DSTN: variants seen among roughly 807,000 people sequenced by gnomAD.
The protein encoded by DSTN is destrin.
DSTN carries 10 observed loss-of-function variants against 16.8 expected under a neutral mutation model. The observed-to-expected ratio is 0.60, with a 90% CI of 0.37 to 1.01. The LOEUF (loss-of-function observed/expected upper bound fraction) is 1.01. Ranked by LOEUF, DSTN falls within the 50% of genes least tolerant of loss-of-function variation. The probability of loss-of-function intolerance (pLI) is 0.01; values close to 1 mark genes in which losing one functional copy is unlikely to be tolerated. For synonymous variants in DSTN, 57 were observed against 58.9 expected, an observed-to-expected ratio of 0.97 and a Z score of 0.14; for missense variants, 141 against 196.7, an observed-to-expected ratio of 0.72 and a Z score of 1.69.
chr20:17,584,410 G>A (rs568616676), intron 1 of DSTN, among the ~76,000 whole-genome samples: 1 of 152,286 alleles, frequency 6.6e-6, no homozygotes, highest in South Asian at 2.1e-4. Context: ...TGCACTTTGG[G>A]AGGCTGAGGC....
At chr20:17,587,828 AAC>A (rs1491346500) in intron 1 of DSTN, among the ~76,000 whole-genome samples, 1 of 152,196 alleles carries the variant, frequency 6.6e-6, no homozygotes, top group Non-Finnish European at 1.5e-5. Context: ...CTTTGGTATT[AAC>A]AGAGTTAATT....
Position 17,609,570 on chromosome 20 carries a change from A to G in DSTN, c.*2424A>G, listed in dbSNP as rs908899757. On this transcript the variant is annotated 3_prime_UTR_variant, in exon 4 of 4. Transcript: ENST00000246069. ...GAAGGATTTCAAACAGTACAAAGGGATGTGATGTAAGCATCCAGAACTCAC... is the reference window on the plus strand; with the variant it reads ...GAAGGATTTCAAACAGTACAAAGGGGTGTGATGTAAGCATCCAGAACTCAC... 1.3e-5 allele frequency: 2 copies of G among 152,188 alleles called. No homozygotes were observed. The highest frequency in any genetic ancestry group is 2.4e-5 in the African/African-American group (1 of 41,436). The allele number at this position is 152,188 out of a possible 1,614,324, so 9.4% of individuals were successfully genotyped here. A position where few individuals can be genotyped will look rare whatever the true frequency, so the allele number is the denominator to read the frequency against.
At chr20:17,595,503 A>G (rs948662573) in intron 1 of DSTN, among the ~76,000 whole-genome samples, 1 of 152,018 alleles carries the variant, frequency 6.6e-6, no homozygotes, top group East Asian at 1.9e-4. Flanking sequence ...TGTTAATTTT[A>G]TGAGTGATTA....
Position 17,570,159 on chromosome 20 carries a change from C to G in DSTN, c.-50C>G. The G allele has an allele frequency of 1.3e-6, 2 of 1,517,030 alleles. No individual in the cohort carries two copies. Among genetic ancestry groups the G allele is most frequent in the South Asian group, 1.2e-5 (1 of 82,822 alleles). 94.0% of individuals were successfully genotyped at this position (1,517,030 alleles called of 1,614,324 possible). A position where few individuals can be genotyped will look rare whatever the true frequency, so the allele number is the denominator to read the frequency against. On this transcript the variant is annotated 5_prime_UTR_variant, in exon 1 of 4. Transcript: ENST00000246069. ...CCGTGAGGAGGACGGTCTGCATACT[C>G]GCTGCCCGCCGGCTCCCTCCCCCGC...
intron 1 of DSTN, among the ~76,000 whole-genome samples, chr20:17,593,068 CCAT>C (rs2035487420): frequency 6.6e-6 from 1 of 152,224 alleles, no homozygotes; most frequent in Non-Finnish European, 1.5e-5. Flanking sequence ...GAGGCCTTTT[CCAT>C]CTCAACCTGG....
At chr20:17,594,299 A>G (rs1201286417) in intron 1 of DSTN, among the ~76,000 whole-genome samples, 4 of 152,104 alleles carry the variant, frequency 2.6e-5, no homozygotes, top group Non-Finnish European at 5.9e-5. Context: ...GACTTAACAC[A>G]GTAAAGATTT....
intron 1 of DSTN, among the ~76,000 whole-genome samples, chr20:17,573,980 G>A (rs2035237762): frequency 6.6e-6 from 1 of 151,462 alleles, no homozygotes; most frequent in Admixed American, 6.6e-5. Flanking sequence ...CAGGAGGATT[G>A]CTTGAAGCCA....
chr20:17,590,963 C>T (rs1394225333), intron 1 of DSTN, among the ~76,000 whole-genome samples: 1 of 152,060 alleles, frequency 6.6e-6, no homozygotes. Context: ...AAAAAATTAG[C>T]CAGGTGTGGT....
intron 1 of DSTN, among the ~76,000 whole-genome samples, chr20:17,580,559 C>T (rs887867570): frequency 1.3e-5 from 2 of 152,092 alleles, no homozygotes; most frequent in Middle Eastern, 3.2e-3. Context: ...CCAGCCTGGC[C>T]AACATGGTGA....
chr20:17,583,735 C>CTTGTTTTTTTT (rs2035372559), intron 1 of DSTN, among the ~76,000 whole-genome samples: 3 of 72,482 alleles, frequency 4.1e-5, no homozygotes, highest in Non-Finnish European at 7.1e-5. Flanking sequence ...TTTGGAGTTT[C>CTTGTTTTTTTT]TTTTTTTTTT....
Position 17,608,534 on chromosome 20 carries a change from G to GTGGGAGGATCACT in DSTN, c.*1391_*1403dup, listed in dbSNP as rs2035665591. On this transcript the variant is annotated 3_prime_UTR_variant, in exon 4 of 4. Transcript: ENST00000246069. ...AGTCCCAGCTACTTTGGATGCTGAG[G>GTGGGAGGATCACT]TGGGAGGATCACTTGAGCCCAGGAG... 1 of 151,784 alleles carries GTGGGAGGATCACT rather than the reference G, an allele frequency of 6.6e-6. No individual in the cohort carries two copies. The highest frequency in any genetic ancestry group is 1.5e-5 in the Non-Finnish European group (1 of 67,994). The allele number at this position is 151,784 out of a possible 1,614,324, so 9.4% of individuals were successfully genotyped here. A position where few individuals can be genotyped will look rare whatever the true frequency, so the allele number is the denominator to read the frequency against.
intron 1 of DSTN, 80 bp downstream of exon 1, chr20:17,570,291 A>AG: frequency 7.1e-7 from 1 of 1,410,448 alleles, no homozygotes; most frequent in South Asian, 1.5e-5. Flanking sequence ...GTCGGGGCTA[A>AG]GGGGGTGAGC....
At chr20:17,587,023 A>G (rs2035416942) in intron 1 of DSTN, among the ~76,000 whole-genome samples, 1 of 151,358 alleles carries the variant, frequency 6.6e-6, no homozygotes. Flanking sequence ...TTAAAAATAT[A>G]TATATATTCA....
At chr20:17,574,004 A>G (rs2035238053) in intron 1 of DSTN, among the ~76,000 whole-genome samples, 1 of 152,124 alleles carries the variant, frequency 6.6e-6, no homozygotes, top group Non-Finnish European at 1.5e-5. Context: ...GTTGGAGACC[A>G]GCCTGGACAA....
intron 1 of DSTN, chr20:17,591,847 A>T (rs544394180): frequency 1.3e-5 from 13 of 968,808 alleles, no homozygotes; most frequent in Middle Eastern, 5.3e-4. Context: ...GTGCTTTAAG[A>T]TATCTCCTTT....
At chr20:17,584,063 A>G (rs530860671) in intron 1 of DSTN, among the ~76,000 whole-genome samples, 26 of 152,218 alleles carry the variant, frequency 1.7e-4, no homozygotes, top group African/African-American at 5.5e-4. Context: ...GTGGTGTTCA[A>G]AATGGTCTAA....
chr20:17,570,849 G>C (rs1382443657), intron 1 of DSTN, among the ~76,000 whole-genome samples: 1 of 152,094 alleles, frequency 6.6e-6, no homozygotes, highest in East Asian at 1.9e-4. Flanking sequence ...CAGCACTCTC[G>C]TCGTGCTTGT....
At chr20:17,572,281 AAAAC>A (rs1441372396) in intron 1 of DSTN, among the ~76,000 whole-genome samples, 1 of 152,342 alleles carries the variant, frequency 6.6e-6, no homozygotes, top group African/African-American at 2.4e-5. Flanking sequence ...CCTCCAACAA[AAAAC>A]AAACAACGTC....
At position 17,570,130 on chromosome 20, in the gene DSTN, G is replaced by A. The variant is rs533796082; in HGVS notation, c.-79G>A. 8.0e-6 allele frequency: 12 copies of A among 1,508,508 alleles called. No homozygotes were observed. The East Asian group carries it at 3.0e-4, about 38-fold the overall frequency. The allele number at this position is 1,508,508 out of a possible 1,614,324, so 93.4% of individuals were successfully genotyped here. Reference sequence around the variant, plus strand: ...GCTCAGCGCTGGGTCTCTCGGTCCCGCAGCCGTGAGGAGGACGGTCTGCAT... The same window carrying A: ...GCTCAGCGCTGGGTCTCTCGGTCCCACAGCCGTGAGGAGGACGGTCTGCAT... On this transcript the variant is annotated 5_prime_UTR_variant, in exon 1 of 4. Coordinates refer to ENST00000246069, the MANE Select transcript of DSTN (RefSeq NM_006870.4).
Sources: gnomAD v4.1 joint callset for allele counts (sites outside exome capture counted in the v4.1 genomes callset) on GRCh38, gnomAD v4.1.1 for gene constraint, MANE v1.5 for transcripts, NCBI Gene and HGNC (gene_info 2026-07-23, HGNC 2026-07-21) for gene names.